PTK2B: variants seen among roughly 807,000 people sequenced by gnomAD.
PTK2B encodes the protein protein tyrosine kinase 2 beta.
A neutral mutation model predicts 142.9 loss-of-function variants in PTK2B; 71 were observed. The observed-to-expected ratio is 0.50, with a 90% CI of 0.41 to 0.61. PTK2B has a LOEUF of 0.61. Among genes scored for constraint, PTK2B ranks in the 20% least tolerant of loss-of-function variants. The pLI, the probability that PTK2B is intolerant of heterozygous loss-of-function variation, is 0.00. For missense variants in PTK2B, 1,105 were observed against 1,320.4 expected (o/e 0.84, Z 2.53); for synonymous variants, 519 against 503.4 (o/e 1.03, Z -0.42).
chr8:27,376,958 T>C (rs552341784), intron 1 of PTK2B, among the ~76,000 whole-genome samples: 3 of 152,304 alleles, frequency 2.0e-5, no homozygotes, highest in Non-Finnish European at 4.4e-5. Context: ...TTGTGTGAGA[T>C]TCAAGAAACT....
intron 3 of PTK2B, among the ~76,000 whole-genome samples, chr8:27,319,021 C>A (rs182720513): frequency 4.0e-4 from 61 of 152,202 alleles, no homozygotes; most frequent in African/African-American, 1.4e-3. Context: ...AAAATTGACC[C>A]AAATCAATTT....
At chr8:27,310,951 G>C (rs772530568), upstream of PTK2B, 1 of 1,612,674 alleles carries the variant, frequency 6.2e-7, no homozygotes, top group Non-Finnish European at 8.5e-7. Flanking sequence ...GCGAGAAGCG[G>C]TAGCTGGTCC....
chr8:27,331,602 TC>T (rs1438491437), intron 1 of PTK2B, among the ~76,000 whole-genome samples: 1 of 152,142 alleles, frequency 6.6e-6, no homozygotes, highest in African/African-American at 2.4e-5. Context: ...TTCTCCTGCC[TC>T]AGCTTCCCGA....
At chr8:27,332,830 C>G (rs182589804) in intron 1 of PTK2B, among the ~76,000 whole-genome samples, 1 of 152,166 alleles carries the variant, frequency 6.6e-6, no homozygotes, top group African/African-American at 2.4e-5. Context: ...AATTCTGCTT[C>G]GGCCTCCCAG....
At chr8:27,319,318 C>CTTTTT (rs35130657) in intron 3 of PTK2B, among the ~76,000 whole-genome samples, 1 of 141,716 alleles carries the variant, frequency 7.1e-6, no homozygotes, top group African/African-American at 2.6e-5. Flanking sequence ...TTAAAGCAAC[C>CTTTTT]TTTTTTTTTT....
chr8:27,417,966 TG>T (rs1809503886), intron 2 of PTK2B, among the ~76,000 whole-genome samples: 1 of 151,938 alleles, frequency 6.6e-6, no homozygotes, highest in African/African-American at 2.4e-5. Context: ...ACAGGAGAAA[TG>T]GGTAGAGAGG....
chr8:27,432,163 C>A, intron 9 of PTK2B, 97 bp from the exon 10 acceptor site: 1 of 1,012,852 alleles, frequency 9.9e-7, no homozygotes. Flanking sequence ...AGAGAAACTC[C>A]CAGTTCCTCC....
At chr8:27,429,367 G>T (rs1331398226) in intron 5 of PTK2B, among the ~76,000 whole-genome samples, 4 of 152,212 alleles carry the variant, frequency 2.6e-5, no homozygotes, top group Non-Finnish European at 5.9e-5. Context: ...TTTAATATAA[G>T]ATCAGGAGTA....
At chr8:27,369,941 C>A (rs1385205877) in intron 1 of PTK2B, among the ~76,000 whole-genome samples, 1 of 149,736 alleles carries the variant, frequency 6.7e-6, no homozygotes, top group Admixed American at 6.6e-5. Context: ...CACACCACTG[C>A]ACTCCAGCCT....
At chr8:27,380,179 ACGTCTTTCTCTG>A (rs1229233023) in intron 1 of PTK2B, among the ~76,000 whole-genome samples, 3 of 152,148 alleles carry the variant, frequency 2.0e-5, no homozygotes, top group African/African-American at 2.4e-5. Context: ...TCTCGGGGTC[ACGTCTTTCTCTG>A]CCCAGCCCTG....
chr8:27,316,536 T>C (rs6981016), intron 3 of PTK2B, among the ~76,000 whole-genome samples: 59,184 of 152,116 alleles, frequency 0.39, 12,172 homozygotes, highest in Non-Finnish European at 0.46. Flanking sequence ...TAACAAAATA[T>C]TGGGATAAGG....
Position 27,453,156 on chromosome 8 carries a change from C to T in PTK2B, c.2591C>T (p.Ala864Val), listed in dbSNP as rs147909940. The change falls in exon 28 of 31, where the codon GCA becomes GTA. Residue 864 changes from alanine (A) to valine (V), a missense_variant. Coordinates refer to ENST00000346049, the MANE Select transcript of PTK2B (RefSeq NM_173176.3). ...GPPQKPPRLG[A>V]QSIQPTANLD... ...CCACAGAAGCCCCCGAGGCTGGGCGCACAGGTATGTGTTGGCTCTGCTGAA... is the reference window on the plus strand; with the variant it reads ...CCACAGAAGCCCCCGAGGCTGGGCGTACAGGTATGTGTTGGCTCTGCTGAA... The T allele has an allele frequency of 1.7e-3, 2,700 of 1,614,066 alleles. 4 individuals carry two copies. Among genetic ancestry groups the T allele is most frequent in the Non-Finnish European group, 2.1e-3 (2,531 of 1,180,010 alleles).
At chr8:27,350,159 A>T (rs1055226208) in intron 1 of PTK2B, among the ~76,000 whole-genome samples, 3 of 152,258 alleles carry the variant, frequency 2.0e-5, no homozygotes, top group Non-Finnish European at 4.4e-5. Flanking sequence ...TGTCATGGAT[A>T]CTTCCATGGT....
At chr8:27,333,188 A>G (rs1367706189) in intron 1 of PTK2B, among the ~76,000 whole-genome samples, 3 of 152,262 alleles carry the variant, frequency 2.0e-5, no homozygotes, top group Non-Finnish European at 2.9e-5. Context: ...AGAGAGATGG[A>G]GAGGTGTGGT....
At chr8:27,392,332 G>A (rs1006919823) in intron 1 of PTK2B, among the ~76,000 whole-genome samples, 5 of 147,930 alleles carry the variant, frequency 3.4e-5, no homozygotes, top group Non-Finnish European at 6.0e-5. Context: ...TTTTTCTGGA[G>A]CACTACTGAC....
intron 2 of PTK2B, among the ~76,000 whole-genome samples, chr8:27,405,813 C>CTCT (rs1435221543): frequency 2.0e-5 from 3 of 152,232 alleles, no homozygotes; most frequent in Non-Finnish European, 4.4e-5. Context: ...TTTATCACGT[C>CTCT]AAAATGAATG....
At chr8:27,310,711 C>G, upstream of PTK2B, 3 of 1,416,334 alleles carry the variant, frequency 2.1e-6, no homozygotes, top group South Asian at 4.2e-5. Flanking sequence ...ACACTGGGCT[C>G]TGGCAGGCAG....
At chr8:27,422,151 C>G in intron 4 of PTK2B, 153 bp from the exon 5 acceptor site, 3 of 633,798 alleles carry the variant, frequency 4.7e-6, no homozygotes, top group Non-Finnish European at 7.7e-6. Flanking sequence ...CCTTTCCCCT[C>G]GTGCTCTCCA....
chr8:27,330,144 G>T (rs891318941), intron 1 of PTK2B, among the ~76,000 whole-genome samples: 7 of 152,098 alleles, frequency 4.6e-5, no homozygotes, highest in Non-Finnish European at 8.8e-5. Flanking sequence ...CAACAACCCA[G>T]ATGCACCCGC....
Sources: gnomAD v4.1 joint callset for allele counts (sites outside exome capture counted in the v4.1 genomes callset) on GRCh38, gnomAD v4.1.1 for gene constraint, MANE v1.5 for transcripts, NCBI Gene and HGNC (gene_info 2026-07-23, HGNC 2026-07-21) for gene names.